FGF1: variants seen among roughly 807,000 people sequenced by gnomAD.
The protein encoded by FGF1 is beta-endothelial cell growth factor.
FGF1 carries 9 observed loss-of-function variants against 13.4 expected under a neutral mutation model. That is an observed-to-expected ratio of 0.67 (90% CI 0.40 to 1.17). The LOEUF (loss-of-function observed/expected upper bound fraction) is 1.17. Among genes scored for constraint, FGF1 ranks in the 50% most tolerant of loss-of-function variants. The pLI, the probability that FGF1 is intolerant of heterozygous loss-of-function variation, is 0.01. For synonymous variants in FGF1, 93 were observed against 79.0 expected (o/e 1.18, Z -0.94); for missense variants, 156 against 192.7 (o/e 0.81, Z 1.13).
intron 1 of FGF1, among the ~76,000 whole-genome samples, chr5:142,634,194 A>C (rs1456117519): frequency 4.0e-5 from 4 of 99,108 alleles, no homozygotes; most frequent in African/African-American, 8.9e-5. Context: ...CTCCATCTCA[A>C]GAAAAAAAAA....
intron 1 of FGF1, among the ~76,000 whole-genome samples, chr5:142,652,269 G>C (rs971526228): frequency 1.2e-4 from 18 of 152,202 alleles, no homozygotes; most frequent in African/African-American, 4.3e-4. Context: ...GCTTCTTCTT[G>C]TTAACGTTTT....
chr5:142,613,772 G>A (rs1759592105), intron 2 of FGF1, among the ~76,000 whole-genome samples, 187 bp downstream of exon 2: 1 of 152,190 alleles, frequency 6.6e-6, no homozygotes, highest in Non-Finnish European at 1.5e-5. Flanking sequence ...GTAAGTGGTG[G>A]CCCCCACAAG....
At position 142,691,480 on chromosome 5, in the gene FGF1, T is replaced by TAAAATAAAATA. The variant is rs1327305429; in HGVS notation, c.-35+6141_-35+6142insTATTTTATTTT. Among the ~76,000 whole-genome samples the TAAAATAAAATA allele has an allele frequency of 5.1e-5, 7 of 137,296 alleles. 1 individual carries two copies. Among genetic ancestry groups the TAAAATAAAATA allele is most frequent in the African/African-American group, 1.9e-4 (7 of 37,668 alleles). 90.1% of individuals were successfully genotyped at this position (137,296 alleles called of 152,430 possible). ...TAAAATAAAATAAAATAAAATAAAA[T>TAAAATAAAATA]AAATAAAATATTTACTTACTTGTTC... On this transcript the variant is annotated intron_variant, in intron 2 of 4. Transcript: ENST00000407758.
At chr5:142,606,942 A>G (rs1757815089) in intron 2 of FGF1, among the ~76,000 whole-genome samples, 1 of 152,144 alleles carries the variant, frequency 6.6e-6, no homozygotes, top group African/African-American at 2.4e-5. Flanking sequence ...TGAACTATGC[A>G]TATTGTTTTG....
chr5:142,672,219 C>T (rs1289356252), intron 1 of FGF1, among the ~76,000 whole-genome samples: 2 of 152,084 alleles, frequency 1.3e-5, no homozygotes, highest in East Asian at 3.8e-4. Context: ...CAGTGATTAC[C>T]ACTGGATGAT....
intron 1 of FGF1, among the ~76,000 whole-genome samples, chr5:142,662,693 G>A (rs17099178): frequency 2.6e-5 from 4 of 152,106 alleles, no homozygotes; most frequent in African/African-American, 7.2e-5. Context: ...TATGGAGTGC[G>A]TGAATGAAAC....
intron 1 of FGF1, among the ~76,000 whole-genome samples, chr5:142,678,398 T>C (rs568646214): frequency 1.1e-4 from 16 of 152,334 alleles, no homozygotes; most frequent in African/African-American, 3.6e-4. Flanking sequence ...CAGTGATGGA[T>C]GTGTTTGCCT....
intron 1 of FGF1, among the ~76,000 whole-genome samples, chr5:142,659,142 A>T (rs547184204): frequency 6.6e-6 from 1 of 151,574 alleles, no homozygotes; most frequent in Admixed American, 6.6e-5. Flanking sequence ...TTATAGTGAA[A>T]CAGGCATGTA....
chr5:142,646,282 T>C (rs1766085180), intron 1 of FGF1, among the ~76,000 whole-genome samples: 1 of 135,662 alleles, frequency 7.4e-6, no homozygotes, highest in Non-Finnish European at 1.5e-5. Context: ...AGTGGTGCAA[T>C]TTCAGCTCAC....
intron 1 of FGF1, among the ~76,000 whole-genome samples, chr5:142,680,281 A>G (rs998564731): frequency 2.0e-5 from 3 of 152,228 alleles, no homozygotes; most frequent in Non-Finnish European, 2.9e-5. Flanking sequence ...TCTTCGACTC[A>G]TTGAATGAAA....
chr5:142,647,909 C>G (rs1266827398), intron 1 of FGF1, among the ~76,000 whole-genome samples: 4 of 152,112 alleles, frequency 2.6e-5, no homozygotes, highest in Non-Finnish European at 4.4e-5. Flanking sequence ...CATGGTGAAA[C>G]TCCATCTATA....
chr5:142,682,388 C>T (rs1773874627), intron 1 of FGF1, among the ~76,000 whole-genome samples: 1 of 152,132 alleles, frequency 6.6e-6, no homozygotes, highest in Non-Finnish European at 1.5e-5. Context: ...CTGGCCAAAG[C>T]AGCCTTTTTA....
chr5:142,641,925 C>T (rs1278981474), intron 1 of FGF1, among the ~76,000 whole-genome samples: 2 of 151,942 alleles, frequency 1.3e-5, no homozygotes, highest in African/African-American at 2.4e-5. Context: ...TATTCAGTTT[C>T]GGTTTACAAA....
At chr5:142,615,884 C>T (rs889511435) in intron 1 of FGF1, among the ~76,000 whole-genome samples, 4 of 152,214 alleles carry the variant, frequency 2.6e-5, no homozygotes, top group Non-Finnish European at 4.4e-5. Context: ...TACCCATTGC[C>T]TGACATGTAC....
intron 1 of FGF1, among the ~76,000 whole-genome samples, chr5:142,666,276 TAATACACACACACACA>T (rs1770326646): frequency 1.2e-5 from 1 of 81,636 alleles, no homozygotes; most frequent in Non-Finnish European, 2.3e-5. Flanking sequence ...AAGGAGCATG[TAATACACACACACACA>T]CACACACACA....
chr5:142,639,319 C>A (rs1470673700), intron 1 of FGF1, among the ~76,000 whole-genome samples: 3 of 152,044 alleles, frequency 2.0e-5, no homozygotes, highest in Admixed American at 6.5e-5. Context: ...CTGTATCACA[C>A]ATGAAATCTG....
Position 142,612,012 on chromosome 5 carries a change from C to T in FGF1, c.169+1947G>A, listed in dbSNP as rs1759165390. Among the ~76,000 whole-genome samples, 2 of 152,186 alleles carry T rather than the reference C, an allele frequency of 1.3e-5. 1 individual carries two copies. ...TATCTCATTTAACCCTCCCAAGAAA[C>T]CTGTGAGGCAAGGAATATTAGTATT... is the stretch of plus-strand genomic sequence containing the variant. On this transcript the variant is annotated intron_variant, in intron 2 of 3. Transcript: ENST00000337706.
At chr5:142,660,933 A>G (rs1181406324) in intron 1 of FGF1, among the ~76,000 whole-genome samples, 1 of 152,202 alleles carries the variant, frequency 6.6e-6, no homozygotes, top group Non-Finnish European at 1.5e-5. Flanking sequence ...GCTCCAGGCA[A>G]CAGGACTCCT....
chr5:142,619,851 GA>G (rs150910782), intron 1 of FGF1, among the ~76,000 whole-genome samples: 3 of 136,576 alleles, frequency 2.2e-5, no homozygotes, highest in Non-Finnish European at 3.2e-5. Context: ...ACCAAAAAAC[GA>G]AAAAAAAACA....
Sources: allele counts gnomAD v4.1 joint callset (sites outside exome capture counted in the v4.1 genomes callset), GRCh38; gene constraint gnomAD v4.1.1; transcripts MANE v1.5; gene names NCBI Gene and HGNC (gene_info 2026-07-23, HGNC 2026-07-21).